LDHAL6A: variants seen among roughly 807,000 people sequenced by gnomAD.
LDHAL6A encodes the protein lactate dehydrogenase A like 6A, also known as L-lactate dehydrogenase A-like 6A.
In LDHAL6A, 19 loss-of-function variants were observed where a neutral mutation model predicts 28.2. That is an observed-to-expected ratio of 0.67 (90% confidence interval 0.47 to 0.99). The LOEUF is 0.99. LDHAL6A is among the 50% of genes least tolerant of loss of function. The pLI is 0.00. For missense variants in LDHAL6A, 372 were observed against 398.6 expected, an observed-to-expected ratio of 0.93 and a Z score of 0.57; for synonymous variants, 144 against 134.4, an observed-to-expected ratio of 1.07 and a Z score of -0.49.
At position 18,463,943 on chromosome 11, in the gene LDHAL6A, A is replaced by G; in HGVS notation, c.127-18A>G. 6.6e-7 allele frequency: 1 copy of G among 1,525,908 alleles called. No homozygotes were observed. Among genetic ancestry groups the G allele is most frequent in the Non-Finnish European group, 9.1e-7 (1 of 1,100,274 alleles). The allele number at this position is 1,525,908 out of a possible 1,614,324, so 94.5% of individuals were successfully genotyped here. On this transcript the variant is annotated intron_variant, in intron 1 of 6. Coordinates refer to ENST00000280706, the MANE Select transcript of LDHAL6A (RefSeq NM_144972.5). ...CAAGAGATACACTCACACCCATTGG[A>G]CTAACAATGTTTTTCAGGGTTTGAG... is the stretch of plus-strand genomic sequence containing the variant.
intron 3 of LDHAL6A, among the ~76,000 whole-genome samples, chr11:18,467,007 G>T (rs905260593): frequency 2.0e-5 from 3 of 152,164 alleles, no homozygotes; most frequent in African/African-American, 7.2e-5. Context: ...CTGATCGGGT[G>T]GGAGTCAGTG....
chr11:18,464,230 G>T, intron 2 of LDHAL6A, 152 bp downstream of exon 2: 1 of 572,068 alleles, frequency 1.7e-6, no homozygotes, highest in Non-Finnish European at 3.1e-6. Flanking sequence ...AGATTCCTTG[G>T]GTTGTACTTT....
At chr11:18,467,558 ATTCTT>A (rs1306596860) in intron 3 of LDHAL6A, among the ~76,000 whole-genome samples, 2 of 152,046 alleles carry the variant, frequency 1.3e-5, no homozygotes, top group East Asian at 3.9e-4. Context: ...TCTTCTGACT[ATTCTT>A]TAAGATTATT....
chr11:18,461,466 A>T (rs1848902101), intron 1 of LDHAL6A, among the ~76,000 whole-genome samples: 2 of 152,176 alleles, frequency 1.3e-5, no homozygotes, highest in Admixed American at 6.5e-5. Context: ...TCTAAGCACT[A>T]ACACAAAGGC....
At chr11:18,469,200 C>G (rs540261586) in intron 3 of LDHAL6A, 1 of 639,092 alleles carries the variant, frequency 1.6e-6, no homozygotes, top group Non-Finnish European at 2.8e-6. Flanking sequence ...ATTTCTCTAA[C>G]CGTTCAGGGC....
chr11:18,470,949 A>C (rs1280845947), intron 3 of LDHAL6A, among the ~76,000 whole-genome samples: 1 of 151,998 alleles, frequency 6.6e-6, no homozygotes, highest in African/African-American at 2.4e-5. Context: ...AGCCTCCCAA[A>C]GTGCTGGGAT....
intron 4 of LDHAL6A, 26 bp downstream of exon 4, chr11:18,475,665 C>T (rs139803637): frequency 1.9e-6 from 3 of 1,590,250 alleles, no homozygotes; most frequent in Non-Finnish European, 1.7e-6. Flanking sequence ...GATTGAGCCT[C>T]TGAAATATCT....
intron 2 of LDHAL6A, among the ~76,000 whole-genome samples, chr11:18,465,001 T>TTTTTTTTTTTTTTG (rs1849025165): frequency 2.1e-5 from 3 of 144,512 alleles, no homozygotes; most frequent in African/African-American, 8.1e-5. Context: ...TGTTTTGTTT[T>TTTTTTTTTTTTTTG]GGTTTGTTTT....
Position 18,465,714 on chromosome 11 carries a change from GA to G in LDHAL6A, c.323del (p.Asp108ValfsTer2), listed in dbSNP as rs754909983. 6.2e-7 allele frequency: 1 copy of G among 1,613,968 alleles called. No individual in the cohort carries two copies. The highest frequency in any genetic ancestry group is 1.7e-5 in the Admixed American group (1 of 60,010). ...CCAGAAAAAAGGAGAAACACGCCTT[GA>G]TTTAGTCCAGCGAAATGTATCCATC... ...ARQKKGETRL[D>X]LVQRNVSIFK... is the part of the protein sequence containing the mutation. On this transcript the variant is annotated frameshift_variant, in exon 3 of 7. Coordinates refer to ENST00000280706, the MANE Select transcript of LDHAL6A (RefSeq NM_144972.5). LOFTEE classifies it high-confidence loss of function.
At chr11:18,465,027 C>G (rs1160890655) in intron 2 of LDHAL6A, among the ~76,000 whole-genome samples, 2 of 133,924 alleles carry the variant, frequency 1.5e-5, no homozygotes, top group African/African-American at 6.0e-5. Flanking sequence ...CAGTGTCTTG[C>G]TATGTTGGTG....
intron 3 of LDHAL6A, among the ~76,000 whole-genome samples, chr11:18,468,078 T>TATA (rs1565071878): frequency 7.7e-6 from 1 of 130,538 alleles, no homozygotes; most frequent in African/African-American, 2.9e-5. Flanking sequence ...TATATATATA[T>TATA]TTTGCTTGTC....
At chr11:18,458,317 G>A (rs1229080918) in intron 1 of LDHAL6A, among the ~76,000 whole-genome samples, 5 of 152,148 alleles carry the variant, frequency 3.3e-5, no homozygotes, top group Non-Finnish European at 5.9e-5. Flanking sequence ...AGGCCCCACC[G>A]GGCATGTAAG....
chr11:18,461,916 T>G (rs1848920776), intron 1 of LDHAL6A, among the ~76,000 whole-genome samples: 1 of 148,474 alleles, frequency 6.7e-6, no homozygotes, highest in Non-Finnish European at 1.5e-5. Flanking sequence ...TTTGGTAGGC[T>G]GAGGCAGGCG....
intron 1 of LDHAL6A, among the ~76,000 whole-genome samples, chr11:18,462,877 G>A (rs1848962945): frequency 6.6e-6 from 1 of 150,658 alleles, no homozygotes; most frequent in South Asian, 2.1e-4. Context: ...ACATGGAGAA[G>A]TCATACTGGT....
At chr11:18,476,951 G>A (rs571432739) in intron 5 of LDHAL6A, among the ~76,000 whole-genome samples, 51 of 150,808 alleles carry the variant, frequency 3.4e-4, no homozygotes, top group African/African-American at 1.2e-3. Flanking sequence ...ACCAGCCTGG[G>A]CAACATAGGG....
chr11:18,467,909 A>ACG (rs1202597977), intron 3 of LDHAL6A, among the ~76,000 whole-genome samples: 2 of 75,386 alleles, frequency 2.7e-5, no homozygotes, highest in African/African-American at 1.3e-4. Flanking sequence ...ATATATATAT[A>ACG]TATATATATA....
intron 3 of LDHAL6A, among the ~76,000 whole-genome samples, chr11:18,466,803 A>G (rs1849086264): frequency 1.3e-5 from 2 of 152,216 alleles, no homozygotes. Flanking sequence ...TGACTCTCCA[A>G]AATTGTACTA....
chr11:18,476,037 TAGC>T (rs552437628), intron 4 of LDHAL6A, among the ~76,000 whole-genome samples: 185 of 152,252 alleles, frequency 1.2e-3, no homozygotes, highest in African/African-American at 4.1e-3. Flanking sequence ...GCTGTGGTAA[TAGC>T]AGTCTTTTTG....
intron 4 of LDHAL6A, among the ~76,000 whole-genome samples, chr11:18,476,181 T>G (rs1377813622): frequency 6.6e-6 from 1 of 152,224 alleles, no homozygotes; most frequent in Non-Finnish European, 1.5e-5. Flanking sequence ...ATTTTCTTAT[T>G]TGGAGAATCT....
Sources: allele counts gnomAD v4.1 joint callset (sites outside exome capture counted in the v4.1 genomes callset), GRCh38; gene constraint gnomAD v4.1.1; transcripts MANE v1.5; gene names NCBI Gene and HGNC (gene_info 2026-07-23, HGNC 2026-07-21).